The following RARB variants were observed in gnomAD, a reference collection of about 807,000 sequenced individuals.
The protein encoded by RARB is HBV-activated protein.
In RARB, 17 loss-of-function variants were observed where a neutral mutation model predicts 51.9. The ratio of observed to expected loss-of-function variants is 0.33; its 90% CI spans 0.22 to 0.49. The LOEUF (loss-of-function observed/expected upper bound fraction) is 0.49. Among genes scored for constraint, RARB ranks in the 20% least tolerant of loss-of-function variants. The pLI is 0.99. For missense variants in RARB, 369 were observed against 550.8 expected (o/e 0.67, Z 3.30); for synonymous variants, 215 against 195.4 (o/e 1.10, Z -0.84).
chr3:25,190,204 G>A (rs979906474), intron 5 of RARB, among the ~76,000 whole-genome samples: 1 of 11,784 alleles, frequency 8.5e-5, no homozygotes, highest in East Asian at 3.3e-3. Context: ...ATGGATTCAA[G>A]AGTTAAATTT....
chr3:25,317,155 G>T (rs1426771657), intron 5 of RARB, among the ~76,000 whole-genome samples: 2 of 143,910 alleles, frequency 1.4e-5, no homozygotes, highest in African/African-American at 5.1e-5. Context: ...TATTATAAGT[G>T]TTAGGTGCCT....
intron 5 of RARB, among the ~76,000 whole-genome samples, chr3:25,217,095 C>T (rs1701850986): frequency 6.6e-6 from 1 of 152,124 alleles, no homozygotes; most frequent in South Asian, 2.1e-4. Flanking sequence ...TCAATCCTTC[C>T]TTCATTAGGA....
At chr3:25,099,657 T>C (rs1217342995) in intron 3 of RARB, among the ~76,000 whole-genome samples, 3 of 151,246 alleles carry the variant, frequency 2.0e-5, no homozygotes, top group Non-Finnish European at 2.9e-5. Flanking sequence ...TAGTAGAAGA[T>C]GCCCAAACAT....
intron 2 of RARB, among the ~76,000 whole-genome samples, chr3:24,949,105 C>A (rs1357385573): frequency 6.6e-6 from 1 of 152,140 alleles, no homozygotes; most frequent in Non-Finnish European, 1.5e-5. Context: ...TACCATTTGA[C>A]CCATGTCAGC....
Position 25,597,381 on chromosome 3 carries a change from A to G in RARB, c.*765A>G, listed in dbSNP as rs1390130833. 6.7e-6 allele frequency: 1 copy of G among 150,282 alleles called. No homozygotes were observed. The highest frequency in any genetic ancestry group is 1.5e-5 in the Non-Finnish European group (1 of 67,656). 9.3% of individuals were successfully genotyped at this position (150,282 alleles called of 1,614,324 possible). A position where few individuals can be genotyped will look rare whatever the true frequency, so the allele number is the denominator to read the frequency against. ...TGTCACTTTAAATTAAAAGTGGTTTATTACTTGTTTAATGACATAACTACA... is the reference window on the plus strand; with the variant it reads ...TGTCACTTTAAATTAAAAGTGGTTTGTTACTTGTTTAATGACATAACTACA... On this transcript the variant is annotated 3_prime_UTR_variant, in exon 8 of 8. Coordinates refer to ENST00000330688, the MANE Select transcript of RARB (RefSeq NM_000965.5).
At chr3:24,907,171 C>G (rs1361849630) in intron 2 of RARB, among the ~76,000 whole-genome samples, 5 of 152,136 alleles carry the variant, frequency 3.3e-5, no homozygotes, top group Non-Finnish European at 5.9e-5. Flanking sequence ...CATGGGCAAA[C>G]CCCTGAGGAA....
chr3:25,334,427 G>A (rs913626430), intron 5 of RARB, among the ~76,000 whole-genome samples: 1 of 152,126 alleles, frequency 6.6e-6, no homozygotes, highest in Non-Finnish European at 1.5e-5. Context: ...ACTATTGCAA[G>A]GACAGAAAAG....
intron 5 of RARB, among the ~76,000 whole-genome samples, chr3:25,346,576 A>G (rs1411807441): frequency 1.3e-5 from 2 of 152,172 alleles, no homozygotes; most frequent in African/African-American, 4.8e-5. Flanking sequence ...ACTTCATCCC[A>G]TGGCTGATGT....
At chr3:24,935,634 A>G (rs1309252205) in intron 2 of RARB, among the ~76,000 whole-genome samples, 1 of 152,200 alleles carries the variant, frequency 6.6e-6, no homozygotes, top group African/African-American at 2.4e-5. Context: ...AATCCCTAGG[A>G]CGTAGAAGGC....
At chr3:25,158,354 C>T (rs1575186999) in intron 4 of RARB, among the ~76,000 whole-genome samples, 1 of 152,146 alleles carries the variant, frequency 6.6e-6, no homozygotes, top group South Asian at 2.1e-4. Flanking sequence ...CCATGGCTTG[C>T]ATTCTTTGTT....
At chr3:25,438,166 C>T (rs1333220739) in intron 1 of RARB, among the ~76,000 whole-genome samples, 1 of 152,260 alleles carries the variant, frequency 6.6e-6, no homozygotes, top group East Asian at 1.9e-4. Flanking sequence ...GTGACTTGTG[C>T]ATGTCACAGC....
chr3:25,298,572 T>C (rs1261377704), intron 5 of RARB, among the ~76,000 whole-genome samples: 4 of 152,134 alleles, frequency 2.6e-5, no homozygotes, highest in African/African-American at 4.8e-5. Flanking sequence ...ATTTGCATAG[T>C]GGTGAGTTAA....
chr3:24,997,730 T>C (rs1337460955), intron 2 of RARB, among the ~76,000 whole-genome samples: 3 of 152,162 alleles, frequency 2.0e-5, no homozygotes, highest in Non-Finnish European at 4.4e-5. Flanking sequence ...ACTGTTGATT[T>C]ATAGCCATTT....
At chr3:24,910,413 A>G (rs551660708) in intron 2 of RARB, among the ~76,000 whole-genome samples, 16 of 152,220 alleles carry the variant, frequency 1.1e-4, no homozygotes, top group African/African-American at 3.1e-4. Flanking sequence ...AGGTAAATAA[A>G]CACAAAATAA....
intron 1 of RARB, among the ~76,000 whole-genome samples, chr3:25,431,440 C>A (rs527527702): frequency 6.6e-6 from 1 of 152,184 alleles, no homozygotes; most frequent in African/African-American, 2.4e-5. Flanking sequence ...TGAATTGCTT[C>A]TTATAAGCAT....
intron 3 of RARB, among the ~76,000 whole-genome samples, chr3:25,524,031 G>T (rs1698526179): frequency 6.6e-6 from 1 of 152,194 alleles, no homozygotes; most frequent in Admixed American, 6.5e-5. Flanking sequence ...TTTCTGTGGG[G>T]TTTCACTGCT....
chr3:25,080,907 C>A (rs757499803), intron 3 of RARB, among the ~76,000 whole-genome samples: 14 of 152,030 alleles, frequency 9.2e-5, no homozygotes, highest in Non-Finnish European at 1.9e-4. Flanking sequence ...TTTTTACTTT[C>A]ATTGCTTGTG....
intron 5 of RARB, among the ~76,000 whole-genome samples, chr3:25,291,607 G>A (rs901397387): frequency 1.3e-5 from 2 of 151,854 alleles, no homozygotes; most frequent in African/African-American, 2.4e-5. Context: ...AGTCTGGGCT[G>A]CAGGATCTCT....
intron 3 of RARB, among the ~76,000 whole-genome samples, chr3:25,119,663 A>C (rs566718334): frequency 3.6e-4 from 54 of 151,626 alleles, no homozygotes; most frequent in Middle Eastern, 3.4e-3. Context: ...AACAAACAAA[A>C]AAAAAACAAC....
Sources: gnomAD v4.1 joint callset for allele counts (sites outside exome capture counted in the v4.1 genomes callset) on GRCh38, gnomAD v4.1.1 for gene constraint, MANE v1.5 for transcripts, NCBI Gene and HGNC (gene_info 2026-07-23, HGNC 2026-07-21) for gene names.